The following CSMD2 variants were observed in gnomAD, a reference collection of about 807,000 sequenced individuals.
CSMD2 encodes the protein CUB and sushi domain-containing protein 2.
In CSMD2, 130 loss-of-function variants were observed where a neutral mutation model predicts 398.5. That is an observed-to-expected ratio of 0.33 (90% confidence interval 0.28 to 0.38). The LOEUF (loss-of-function observed/expected upper bound fraction) is 0.38. CSMD2 is among the 10% of genes least tolerant of loss of function. The pLI, the probability that CSMD2 is intolerant of heterozygous loss-of-function variation, is 1.00. For missense variants in CSMD2, 3,829 were observed against 4,764.9 expected (o/e 0.80, Z 5.78); for synonymous variants, 1,828 against 1,908.5 (o/e 0.96, Z 1.10).
At chr1:34,136,123 G>A (rs1283844633) in intron 1 of CSMD2, among the ~76,000 whole-genome samples, 1 of 152,230 alleles carries the variant, frequency 6.6e-6, no homozygotes, top group Non-Finnish European at 1.5e-5. Context: ...TCCAGGCCCT[G>A]CCTGAGAAAC....
At chr1:33,958,652 C>T (rs1291958782) in intron 3 of CSMD2, among the ~76,000 whole-genome samples, 5 of 152,172 alleles carry the variant, frequency 3.3e-5, no homozygotes, top group African/African-American at 1.2e-4. Flanking sequence ...AGAAGGAAGC[C>T]ATCCTGATTT....
intron 5 of CSMD2, among the ~76,000 whole-genome samples, chr1:33,884,125 G>A (rs1276631213): frequency 6.6e-6 from 1 of 152,064 alleles, no homozygotes; most frequent in Non-Finnish European, 1.5e-5. Context: ...TCTAGTGGAT[G>A]AGTCTAGGCT....
At chr1:34,120,606 G>A (rs1159359044) in intron 1 of CSMD2, among the ~76,000 whole-genome samples, 2 of 152,092 alleles carry the variant, frequency 1.3e-5, no homozygotes, top group East Asian at 1.9e-4. Context: ...GTACAATGGC[G>A]CAATCTCGGC....
intron 2 of CSMD2, among the ~76,000 whole-genome samples, chr1:34,074,714 TA>T (rs1013376779): frequency 1.3e-5 from 2 of 150,958 alleles, no homozygotes; most frequent in Non-Finnish European, 2.9e-5. Context: ...TAGATGGGCA[TA>T]AATGAAGAAG....
intron 21 of CSMD2, among the ~76,000 whole-genome samples, chr1:33,711,744 G>T (rs1031006489): frequency 2.0e-5 from 3 of 152,100 alleles, no homozygotes; most frequent in Non-Finnish European, 4.4e-5. Context: ...CTCCTTCCTG[G>T]CCCTGCTTCC....
In CSMD2 at chr1:34,112,004, CTCTCTCTCTCTCTCTT is replaced by C. The variant is rs1234085575; in HGVS notation, c.188-22827_188-22812del. 4.7e-5 allele frequency among the ~76,000 whole-genome samples: 7 copies of C among 150,534 alleles called. No individual in the cohort carries two copies. The East Asian group carries it at 9.7e-4, about 21-fold the overall frequency. On this transcript the variant is annotated intron_variant, in intron 1 of 70. Coordinates refer to ENST00000373381, the MANE Select transcript of CSMD2 (RefSeq NM_001281956.2). ...AAATTCTCTCTCTCTCTCTCTCTCTCTCTCTCTCTCTCTCTTTCTCTCTCTTTCTCTCTCGCAGTTT... is the reference window on the plus strand; with the variant it reads ...AAATTCTCTCTCTCTCTCTCTCTCTCTCTCTCTCTTTCTCTCTCGCAGTTT...
At chr1:33,843,098 G>A (rs1661017508) in intron 6 of CSMD2, among the ~76,000 whole-genome samples, 1 of 152,162 alleles carries the variant, frequency 6.6e-6, no homozygotes. Context: ...TTATCATGCT[G>A]TACAGAAGTT....
chr1:34,039,548 C>T (rs1651585047), intron 2 of CSMD2, among the ~76,000 whole-genome samples: 4 of 152,218 alleles, frequency 2.6e-5, no homozygotes. Flanking sequence ...TCAGAAGACA[C>T]TGCCGCTGAA....
chr1:33,707,908 T>C (rs1375766945), intron 22 of CSMD2, among the ~76,000 whole-genome samples: 1 of 152,220 alleles, frequency 6.6e-6, no homozygotes, highest in Non-Finnish European at 1.5e-5. Flanking sequence ...GGTTCAACTT[T>C]TTCCAATGTA....
rs1322856856 is a variant in CSMD2 at position 33,568,773 on chromosome 1, T to C, written c.8131+601A>G. Among the ~76,000 whole-genome samples the C allele has an allele frequency of 3.3e-5, 5 of 152,188 alleles. No homozygotes were observed. The South Asian group carries it at 1.0e-3, about 31-fold the overall frequency. ...CTGAGACAGTGGCAAGACAGCACTG[T>C]TCACCCCAGGACAGACCATTCAATC... is the stretch of plus-strand genomic sequence containing the variant. On this transcript the variant is annotated intron_variant, in intron 52 of 70. Coordinates refer to ENST00000373381, the MANE Select transcript of CSMD2 (RefSeq NM_001281956.2).
intron 44 of CSMD2, chr1:33,598,666 T>A (rs930103752): frequency 9.0e-5 from 2 of 22,342 alleles, no homozygotes; most frequent in African/African-American, 1.6e-4. Context: ...GTTTCCTGTG[T>A]TTTTTTTTTT....
At chr1:33,853,074 A>T (rs1161129422) in intron 5 of CSMD2, among the ~76,000 whole-genome samples, 1 of 152,246 alleles carries the variant, frequency 6.6e-6, no homozygotes, top group Non-Finnish European at 1.5e-5. Context: ...AAGGACACAG[A>T]TGTAGCTTCA....
chr1:33,969,163 A>G (rs1645665561), intron 3 of CSMD2, among the ~76,000 whole-genome samples: 1 of 152,246 alleles, frequency 6.6e-6, no homozygotes, highest in African/African-American at 2.4e-5. Flanking sequence ...GAATGGCCAC[A>G]CTGTTCAAGG....
At chr1:34,144,419 T>C (rs1391260475) in intron 1 of CSMD2, among the ~76,000 whole-genome samples, 2 of 152,156 alleles carry the variant, frequency 1.3e-5, no homozygotes, top group Non-Finnish European at 2.9e-5. Context: ...AAGAGTGACT[T>C]GTCCAAAGGG....
intron 40 of CSMD2, among the ~76,000 whole-genome samples, chr1:33,612,558 A>G (rs1641079481): frequency 1.3e-5 from 2 of 152,264 alleles, no homozygotes; most frequent in African/African-American, 4.8e-5. Flanking sequence ...GTTAATATAC[A>G]AAAATATAGT....
At chr1:34,006,131 CT>C (rs1351189942) in intron 3 of CSMD2, among the ~76,000 whole-genome samples, 2 of 152,158 alleles carry the variant, frequency 1.3e-5, no homozygotes, top group Non-Finnish European at 2.9e-5. Context: ...CCTCTTAGAA[CT>C]CCAGCCCATC....
intron 44 of CSMD2, among the ~76,000 whole-genome samples, chr1:33,594,926 A>G (rs1198541130): frequency 2.0e-5 from 3 of 152,228 alleles, no homozygotes; most frequent in Admixed American, 1.3e-4. Context: ...ATCTTTTTCC[A>G]TGAACCGTTT....
At chr1:34,093,883 G>T (rs1353609617) in intron 1 of CSMD2, among the ~76,000 whole-genome samples, 2 of 151,838 alleles carry the variant, frequency 1.3e-5, no homozygotes, top group African/African-American at 2.4e-5. Flanking sequence ...GCAGGCCAAC[G>T]TTCAGATTCA....
At chr1:33,974,276 G>A (rs1267313607) in intron 3 of CSMD2, among the ~76,000 whole-genome samples, 2 of 152,178 alleles carry the variant, frequency 1.3e-5, no homozygotes, top group African/African-American at 2.4e-5. Context: ...ACTGTCTGTT[G>A]GTCACATGGG....
Sources: allele counts gnomAD v4.1 joint callset (sites outside exome capture counted in the v4.1 genomes callset), GRCh38; gene constraint gnomAD v4.1.1; transcripts MANE v1.5; gene names NCBI Gene and HGNC (gene_info 2026-07-23, HGNC 2026-07-21).